COL23A1: variants seen among roughly 807,000 people sequenced by gnomAD.
The protein encoded by COL23A1 is collagen type XXIII alpha 1 chain.
A neutral mutation model predicts 99.3 loss-of-function variants in COL23A1; 97 were observed. The observed-to-expected ratio is 0.98, with a 90% CI of 0.83 to 1.16. The LOEUF is 1.16. Ranked by LOEUF, COL23A1 falls within the 50% of genes most tolerant of loss-of-function variation. The pLI is 0.00. For missense variants in COL23A1, 762 were observed against 757.4 expected (o/e 1.01, Z -0.07); for synonymous variants, 320 against 308.2 (o/e 1.04, Z -0.40).
At chr5:178,582,219 A>AAAG (rs1181412105) in intron 1 of COL23A1, among the ~76,000 whole-genome samples, 2 of 150,780 alleles carry the variant, frequency 1.3e-5, no homozygotes, top group African/African-American at 4.9e-5. Flanking sequence ...AAAAAAAAAA[A>AAAG]AAAAAAAAAA....
In COL23A1 at chr5:178,488,460, T is replaced by A. The variant is rs368336059; in HGVS notation, c.361+72222A>T. Among the ~76,000 whole-genome samples the A allele has an allele frequency of 6.9e-4, 105 of 152,206 alleles. 4 individuals are homozygous for A. In the Middle Eastern group the frequency reaches 0.031, roughly 45 times the overall value. ...GCACATGAAGATTTCTAGTGATCTCTCCAGGCAGAATACAGTATTCCTTCC... is the reference window on the plus strand; with the variant it reads ...GCACATGAAGATTTCTAGTGATCTCACCAGGCAGAATACAGTATTCCTTCC... On this transcript the variant is annotated intron_variant, in intron 2 of 28. Coordinates refer to ENST00000390654, the MANE Select transcript of COL23A1 (RefSeq NM_173465.4).
chr5:178,453,211 CACA>C (rs754537780), intron 2 of COL23A1, among the ~76,000 whole-genome samples: 41 of 152,194 alleles, frequency 2.7e-4, no homozygotes, highest in South Asian at 4.1e-4. Flanking sequence ...GAGACACACA[CACA>C]ACATTATCTC....
intron 2 of COL23A1, among the ~76,000 whole-genome samples, chr5:178,377,031 G>A (rs2973725): frequency 0.14 from 20,740 of 152,220 alleles, 1,516 homozygotes; most frequent in South Asian, 0.22. Context: ...AGGGGTCACC[G>A]GCTGGAGGAT....
chr5:178,507,388 A>G (rs1268731497), intron 2 of COL23A1, among the ~76,000 whole-genome samples: 1 of 152,166 alleles, frequency 6.6e-6, no homozygotes, highest in Admixed American at 6.5e-5. Flanking sequence ...GTGTAAGTTC[A>G]TGCTTTTGGG....
intron 2 of COL23A1, among the ~76,000 whole-genome samples, chr5:178,411,943 T>C (rs1349445774): frequency 6.6e-6 from 1 of 152,230 alleles, no homozygotes; most frequent in Non-Finnish European, 1.5e-5. Flanking sequence ...ACTGAGAGAA[T>C]AAGTCGGCAT....
intron 2 of COL23A1, among the ~76,000 whole-genome samples, chr5:178,425,441 A>G (rs942563938): frequency 1.3e-5 from 2 of 149,892 alleles, no homozygotes; most frequent in South Asian, 2.1e-4. Context: ...AAATAAATAA[A>G]TAAATAAATA....
rs988914210 is a variant in COL23A1, at chr5:178,439,091, C to T, written c.361+121591G>A. 1 of 152,266 alleles carries T rather than the reference C, an allele frequency of 6.6e-6. No homozygotes were observed. Among genetic ancestry groups the T allele is most frequent in the Non-Finnish European group, 1.5e-5 (1 of 68,074 alleles). The allele number at this position is 152,266 out of a possible 1,614,324, so 9.4% of individuals were successfully genotyped here. On this transcript the variant is annotated intron_variant, in intron 2 of 28. Coordinates refer to ENST00000390654, the MANE Select transcript of COL23A1 (RefSeq NM_173465.4). The surrounding 1 kb of genome is among the most constrained non-coding windows in gnomAD (Gnocchi z 4.2). The stretch of plus-strand genomic sequence containing the variant: ...GCCCAGGCTGTGCGCAGATCAGTTA[C>T]ATCAGGACCCAGCCAGCAGATTTTA...
chr5:178,483,605 G>A (rs905435699), intron 2 of COL23A1, among the ~76,000 whole-genome samples: 10 of 152,156 alleles, frequency 6.6e-5, no homozygotes, highest in African/African-American at 1.9e-4. Context: ...TACGTTTCCC[G>A]AGTCAAACCT....
intron 9 of COL23A1, 66 bp downstream of exon 9, chr5:178,263,142 G>C (rs1581478391): frequency 8.7e-7 from 1 of 1,146,030 alleles, no homozygotes; most frequent in East Asian, 2.3e-5. Flanking sequence ...GATGGGGCTG[G>C]CTCTGGAATC....
intron 1 of COL23A1, among the ~76,000 whole-genome samples, chr5:178,564,342 T>C (rs1428427380): frequency 6.6e-6 from 1 of 151,860 alleles, no homozygotes; most frequent in Non-Finnish European, 1.5e-5. Context: ...TTCTGTATCC[T>C]GACTACTAAG....
At chr5:178,399,429 T>A (rs993975662) in intron 2 of COL23A1, among the ~76,000 whole-genome samples, 1 of 152,196 alleles carries the variant, frequency 6.6e-6, no homozygotes, top group Non-Finnish European at 1.5e-5. Context: ...ACTTTTACAT[T>A]TTGGGAGCCA....
intron 3 of COL23A1, among the ~76,000 whole-genome samples, chr5:178,305,097 G>T (rs1581119292): frequency 2.0e-5 from 3 of 152,232 alleles, no homozygotes; most frequent in East Asian, 1.9e-4. Flanking sequence ...AACCCTTTAC[G>T]AGGGTAGAAA....
At chr5:178,318,583 A>T (rs1003968575) in intron 2 of COL23A1, among the ~76,000 whole-genome samples, 1 of 152,138 alleles carries the variant, frequency 6.6e-6, no homozygotes, top group Non-Finnish European at 1.5e-5. Context: ...CCTGGACAGG[A>T]AGGGGAGGGG....
Position 178,482,754 on chromosome 5 carries a change from C to T in COL23A1, c.361+77928G>A, listed in dbSNP as rs140415809. ...CGTCGCTACTAAAACTACAAAAAAT[C>T]GGCCGGGCGTGGTGGCGGGTGCCTG... On this transcript the variant is annotated intron_variant, in intron 2 of 28. Coordinates refer to ENST00000390654, the MANE Select transcript of COL23A1 (RefSeq NM_173465.4). Among the ~76,000 whole-genome samples, 589 of 151,244 alleles carry T rather than the reference C, an allele frequency of 3.9e-3. 2 individuals are homozygous for T. Among genetic ancestry groups the T allele is most frequent in the African/African-American group, 0.014 (559 of 41,194 alleles).
chr5:178,572,076 A>C (rs182190562), intron 1 of COL23A1, among the ~76,000 whole-genome samples: 54 of 151,606 alleles, frequency 3.6e-4, no homozygotes, highest in South Asian at 2.9e-3. Context: ...TCAAAACAAA[A>C]AAAAAAAAGA....
At chr5:178,538,518 T>C (rs1761107391) in intron 2 of COL23A1, among the ~76,000 whole-genome samples, 1 of 152,224 alleles carries the variant, frequency 6.6e-6, no homozygotes, top group African/African-American at 2.4e-5. Flanking sequence ...CTAATCTTGT[T>C]AGAGAACCAT....
intron 1 of COL23A1, among the ~76,000 whole-genome samples, chr5:178,580,184 C>T (rs542718891): frequency 1.3e-5 from 2 of 152,202 alleles, no homozygotes; most frequent in African/African-American, 2.4e-5. Context: ...AAAACTTAGC[C>T]GGGTGTGATG....
chr5:178,257,606 C>T (rs1295839354), intron 12 of COL23A1, 39 bp from the exon 13 acceptor site: 12 of 1,549,734 alleles, frequency 7.7e-6, no homozygotes, highest in South Asian at 1.2e-5. Context: ...GTCAGACCCT[C>T]GGGTGGCCAG....
chr5:178,382,551 G>A (rs953867586), intron 2 of COL23A1, among the ~76,000 whole-genome samples: 2 of 152,154 alleles, frequency 1.3e-5, no homozygotes, highest in Non-Finnish European at 1.5e-5. Flanking sequence ...AGGGTGAACC[G>A]ATACCCCACC....
Sources: allele counts gnomAD v4.1 joint callset (sites outside exome capture counted in the v4.1 genomes callset), GRCh38; gene constraint gnomAD v4.1.1; non-coding constraint Gnocchi (gnomAD v3.1); transcripts MANE v1.5; gene names NCBI Gene and HGNC (gene_info 2026-07-23, HGNC 2026-07-21).